SNX25: variants seen among roughly 807,000 people sequenced by gnomAD.
SNX25 encodes sorting nexin-25.
In SNX25, 62 loss-of-function variants were observed where a neutral mutation model predicts 113.7. The ratio of observed to expected loss-of-function variants is 0.55; its 90% confidence interval spans 0.44 to 0.67. SNX25 has a LOEUF of 0.67. Ranked by LOEUF, SNX25 falls within the 30% of genes least tolerant of loss-of-function variation. The pLI, the probability that SNX25 is intolerant of heterozygous loss-of-function variation, is 0.00. For missense variants in SNX25, 1,014 were observed against 1,161.0 expected (o/e 0.87, Z 1.84); for synonymous variants, 421 against 436.2 (o/e 0.97, Z 0.43).
At chr4:185,376,247 AATT>A in the SNX25 span, among the ~76,000 whole-genome samples, 4 of 152,178 alleles carry the variant, frequency 2.6e-5, no homozygotes, top group African/African-American at 9.7e-5. Context: ...TCAAGGCTTC[AATT>A]ATTATTAATA....
At chr4:185,329,317 A>T (rs1262837078) in intron 9 of SNX25, among the ~76,000 whole-genome samples, 1 of 152,054 alleles carries the variant, frequency 6.6e-6, no homozygotes, top group East Asian at 1.9e-4. Flanking sequence ...TGTGAAGGAG[A>T]CAGCTCAGTG....
At chr4:185,271,426 C>T (rs184213492) in intron 5 of SNX25, among the ~76,000 whole-genome samples, 2 of 152,280 alleles carry the variant, frequency 1.3e-5, no homozygotes, top group Admixed American at 6.5e-5. Flanking sequence ...TACAGGCACA[C>T]GCCAGCACGC....
downstream of SNX25, chr4:185,366,185 T>C (rs1329381286): frequency 6.6e-6 from 1 of 152,238 alleles, no homozygotes; most frequent in African/African-American, 2.4e-5. Flanking sequence ...ATATGGATCT[T>C]ACTGTTTTTA....
At chr4:185,205,509 T>C (rs1737149504), upstream of SNX25, among the ~76,000 whole-genome samples, 3 of 151,946 alleles carry the variant, frequency 2.0e-5, no homozygotes, top group Admixed American at 2.0e-4. Flanking sequence ...TAAAACTGTG[T>C]TGGCACCACT....
chr4:185,215,792 CT>C (rs80171477), intron 1 of SNX25, among the ~76,000 whole-genome samples: 5,448 of 140,198 alleles, frequency 0.039, 127 homozygotes, highest in East Asian at 0.11. Flanking sequence ...ACTTTAAATT[CT>C]TTTTTTTTTT....
At chr4:185,364,165 C>G (rs774903753), downstream of SNX25, 1 of 152,060 alleles carries the variant, frequency 6.6e-6, no homozygotes, top group Non-Finnish European at 1.5e-5. Flanking sequence ...GCAGAAAGAG[C>G]CAAATTAGTG....
intron 6 of SNX25, 46 bp downstream of exon 6, chr4:185,288,128 C>G: frequency 6.6e-7 from 1 of 1,510,396 alleles, no homozygotes; most frequent in Non-Finnish European, 9.1e-7. Context: ...GAAAGGTCAG[C>G]TTGATCCCCG....
intron 12 of SNX25, among the ~76,000 whole-genome samples, chr4:185,345,156 T>C (rs1039605564): frequency 6.6e-6 from 1 of 152,174 alleles, no homozygotes; most frequent in African/African-American, 2.4e-5. Context: ...TCCATGCCCG[T>C]CCTCTTTGTC....
chr4:185,307,340 A>G (rs1406931297), intron 6 of SNX25, among the ~76,000 whole-genome samples: 1 of 152,218 alleles, frequency 6.6e-6, no homozygotes, highest in African/African-American at 2.4e-5. Context: ...TTCATATCTA[A>G]GCGAGGTATG....
At chr4:185,323,291 A>G (rs915309497) in intron 8 of SNX25, among the ~76,000 whole-genome samples, 6 of 152,070 alleles carry the variant, frequency 3.9e-5, no homozygotes, top group Admixed American at 3.3e-4. Flanking sequence ...TGCCCCCTCC[A>G]GTGTTTAAAA....
intron 6 of SNX25, among the ~76,000 whole-genome samples, chr4:185,292,268 G>A (rs983950176): frequency 6.6e-6 from 1 of 151,934 alleles, no homozygotes; most frequent in Non-Finnish European, 1.5e-5. Flanking sequence ...AAGCAGTGAC[G>A]AGGGGAAAAA....
intron 1 of SNX25, among the ~76,000 whole-genome samples, chr4:185,242,362 A>G (rs1196958704): frequency 2.0e-5 from 3 of 152,094 alleles, no homozygotes; most frequent in African/African-American, 7.2e-5. Flanking sequence ...TCAGTCCCCA[A>G]GAGCCCTCAA....
At chr4:185,281,883 G>A (rs900901196) in intron 5 of SNX25, among the ~76,000 whole-genome samples, 2 of 152,002 alleles carry the variant, frequency 1.3e-5, no homozygotes, top group African/African-American at 4.8e-5. Context: ...GGGTATGGTC[G>A]TGCGCACCTG....
intron 3 of SNX25, among the ~76,000 whole-genome samples, chr4:185,260,823 A>C (rs1414008341): frequency 1.3e-5 from 2 of 152,208 alleles, no homozygotes; most frequent in Non-Finnish European, 2.9e-5. Flanking sequence ...CTATAGAGAA[A>C]GTAACTTCCA....
At chr4:185,205,833 T>C (rs953964525), upstream of SNX25, among the ~76,000 whole-genome samples, 2 of 152,046 alleles carry the variant, frequency 1.3e-5, no homozygotes, top group Non-Finnish European at 2.9e-5. Context: ...TGTCTCTAAA[T>C]AAATAAACAA....
At chr4:185,362,260 A>T (rs575703108) in intron 17 of SNX25, 155 bp downstream of exon 17, 1 of 985,272 alleles carries the variant, frequency 1.0e-6, no homozygotes, top group African/African-American at 1.7e-5. Context: ...ACTTGCTAAG[A>T]AGTTATACTG....
the SNX25 span, chr4:185,376,857 G>T: frequency 3.8e-6 from 5 of 1,319,998 alleles, no homozygotes; most frequent in Non-Finnish European, 5.4e-6. Context: ...TTTGTCTGAG[G>T]ATCTAACAAC....
At chr4:185,307,508 C>T (rs1754622496) in intron 6 of SNX25, among the ~76,000 whole-genome samples, 2 of 152,148 alleles carry the variant, frequency 1.3e-5, no homozygotes, top group African/African-American at 4.8e-5. Context: ...ACACTTGCCC[C>T]TTTACCTCAG....
At position 185,329,427 on chromosome 4, in the gene SNX25, CAG is replaced by C. The variant is rs148900948; in HGVS notation, c.1750-3164_1750-3163del. 6.1e-3 allele frequency among the ~76,000 whole-genome samples: 935 copies of C among 152,186 alleles called. 15 individuals are homozygous for C. The highest frequency in any genetic ancestry group is 0.049 in the South Asian group (237 of 4,818). On this transcript the variant is annotated intron_variant, in intron 9 of 18. Coordinates refer to ENST00000652585, the MANE Select transcript of SNX25 (RefSeq NM_001378034.2). ...GTTCCAGGCATCCCCAGACAAAAGA[CAG>C]AGACCCAGCGTCCTCTTTCCTAAAG...
Sources: allele counts gnomAD v4.1 joint callset (sites outside exome capture counted in the v4.1 genomes callset), GRCh38; gene constraint gnomAD v4.1.1; transcripts MANE v1.5; gene names NCBI Gene and HGNC (gene_info 2026-07-23, HGNC 2026-07-21).